The following NUDCD3 variants were observed in gnomAD, a reference collection of about 807,000 sequenced individuals.
The protein encoded by NUDCD3 is nudC domain-containing protein 3.
In NUDCD3, 13 loss-of-function variants were observed where a neutral mutation model predicts 39.7. The observed-to-expected ratio is 0.33, with a 90% CI of 0.21 to 0.52. The LOEUF (loss-of-function observed/expected upper bound fraction) is 0.52, where lower values mean the gene tolerates loss of function less well. Among genes scored for constraint, NUDCD3 ranks in the 20% least tolerant of loss-of-function variants. The pLI, the probability that NUDCD3 is intolerant of heterozygous loss-of-function variation, is 0.96. For synonymous variants in NUDCD3, 175 were observed against 172.4 expected (o/e 1.02, Z -0.12); for missense variants, 453 against 458.1 (o/e 0.99, Z 0.10).
intron 5 of NUDCD3, among the ~76,000 whole-genome samples, chr7:44,388,332 T>C (rs1033347589): frequency 1.3e-5 from 2 of 152,192 alleles, no homozygotes; most frequent in African/African-American, 4.8e-5. Context: ...GTGATCCCAG[T>C]GAAGCAACTC....
At chr7:44,466,876 C>T (rs1800129020) in intron 2 of NUDCD3, among the ~76,000 whole-genome samples, 1 of 152,138 alleles carries the variant, frequency 6.6e-6, no homozygotes, top group African/African-American at 2.4e-5. Flanking sequence ...GTCACAAAGC[C>T]CCACCGGGTG....
In NUDCD3 at chr7:44,380,567, T is replaced by A. The variant is rs553786854; in HGVS notation, c.*5444A>T. On this transcript the variant is annotated 3_prime_UTR_variant, in exon 6 of 6. Transcript: ENST00000355451. ...CCAAACGCTGTCTCTTCCCTAAGGG[T>A]CACTGCCTTGGGATTTGCCTGCAGG... 3.2e-4 allele frequency: 49 copies of A among 152,308 alleles called. No individual in the cohort carries two copies. The highest frequency in any genetic ancestry group is 1.1e-3 in the African/African-American group (44 of 41,546). 9.4% of individuals were successfully genotyped at this position (152,308 alleles called of 1,614,324 possible). A position where few individuals can be genotyped will look rare whatever the true frequency, so the allele number is the denominator to read the frequency against.
chr7:44,442,479 G>C (rs1799604421), intron 2 of NUDCD3, among the ~76,000 whole-genome samples: 2 of 152,112 alleles, frequency 1.3e-5, no homozygotes, highest in Non-Finnish European at 1.5e-5. Flanking sequence ...ATGCACCTGG[G>C]GGACCCAGGG....
intron 3 of NUDCD3, among the ~76,000 whole-genome samples, chr7:44,420,904 T>C (rs1161731647): frequency 6.6e-6 from 1 of 152,104 alleles, no homozygotes; most frequent in Non-Finnish European, 1.5e-5. Flanking sequence ...CATACCAAAA[T>C]ATAAAGACCA....
In NUDCD3 at chr7:44,384,355, G is replaced by A. The variant is rs1269363633; in HGVS notation, c.*1656C>T. 6.6e-6 allele frequency: 1 copy of A among 152,160 alleles called. No homozygotes were observed. Among genetic ancestry groups the A allele is most frequent in the Non-Finnish European group, 1.5e-5 (1 of 68,048 alleles). The allele number at this position is 152,160 out of a possible 1,614,324, so 9.4% of individuals were successfully genotyped here. ...TCTCAGGACCCCTCATAGATGACAA[G>A]AATTCTGCTCCCCAGGGTCGAGATC... On this transcript the variant is annotated 3_prime_UTR_variant, in exon 6 of 6. Coordinates refer to ENST00000355451, the MANE Select transcript of NUDCD3 (RefSeq NM_015332.4).
At position 44,382,068 on chromosome 7, in the gene NUDCD3, G is replaced by C. The variant is rs1798313969; in HGVS notation, c.*3943C>G. 1 of 152,134 alleles carries C rather than the reference G, an allele frequency of 6.6e-6. No individual in the cohort carries two copies. Among genetic ancestry groups the C allele is most frequent in the Non-Finnish European group, 1.5e-5 (1 of 68,046 alleles). The allele number at this position is 152,134 out of a possible 1,614,324, so 9.4% of individuals were successfully genotyped here. ...GGGGACTTCAGGCATTTGGTGTGGA[G>C]GAATGGGTGGTGGGATTGAAAACCC... On this transcript the variant is annotated 3_prime_UTR_variant, in exon 6 of 6. Coordinates refer to ENST00000355451, the MANE Select transcript of NUDCD3 (RefSeq NM_015332.4).
At chr7:44,488,204 G>A (rs1319333982) in intron 1 of NUDCD3, among the ~76,000 whole-genome samples, 4 of 149,734 alleles carry the variant, frequency 2.7e-5, no homozygotes, top group African/African-American at 7.4e-5. Context: ...GCGTGGTGGC[G>A]CACACCTGCA....
chr7:44,388,923 A>C (rs1316727160), intron 5 of NUDCD3, among the ~76,000 whole-genome samples: 1 of 152,256 alleles, frequency 6.6e-6, no homozygotes, highest in Admixed American at 6.5e-5. Flanking sequence ...ACTGGACCAC[A>C]GCATCTTCAA....
chr7:44,447,476 C>T (rs1799709824), intron 2 of NUDCD3, among the ~76,000 whole-genome samples: 1 of 152,154 alleles, frequency 6.6e-6, no homozygotes, highest in South Asian at 2.1e-4. Flanking sequence ...TAGATTAAGG[C>T]ATTTATTAAA....
Position 44,385,873 on chromosome 7 carries a change from G to C in NUDCD3, c.*138C>G. 1.6e-6 allele frequency: 1 copy of C among 624,334 alleles called. No individual in the cohort carries two copies. Among genetic ancestry groups the C allele is most frequent in the Non-Finnish European group, 2.9e-6 (1 of 344,030 alleles). The allele number at this position is 624,334 out of a possible 1,614,324, so 38.7% of individuals were successfully genotyped here. Reference sequence around the variant, plus strand: ...TGGAGATGCAAGGTCAGGGTGGAAGGCCTGGTTCACCCTTGAAAGAAAGGA... The same window carrying C: ...TGGAGATGCAAGGTCAGGGTGGAAGCCCTGGTTCACCCTTGAAAGAAAGGA... On this transcript the variant is annotated 3_prime_UTR_variant, in exon 6 of 6. Coordinates refer to ENST00000355451, the MANE Select transcript of NUDCD3 (RefSeq NM_015332.4).
intron 3 of NUDCD3, among the ~76,000 whole-genome samples, chr7:44,417,781 G>A (rs988984039): frequency 9.9e-5 from 15 of 152,178 alleles, no homozygotes; most frequent in African/African-American, 3.6e-4. Flanking sequence ...TTTGAAAATA[G>A]AATTCCGTGT....
At chr7:44,473,007 C>T (rs988784841) in intron 2 of NUDCD3, among the ~76,000 whole-genome samples, 1 of 152,166 alleles carries the variant, frequency 6.6e-6, no homozygotes, top group East Asian at 1.9e-4. Context: ...TTCCAAGAGA[C>T]ACTTAAACGC....
chr7:44,402,215 A>AT (rs1798740005), intron 4 of NUDCD3, among the ~76,000 whole-genome samples: 1 of 152,238 alleles, frequency 6.6e-6, no homozygotes, highest in Admixed American at 6.5e-5. Context: ...AATACGTAAA[A>AT]TAAGTTTGCA....
rs1168158919 is a variant in NUDCD3, at chr7:44,430,684, G to A, written c.510-2981C>T. On this transcript the variant is annotated intron_variant, in intron 2 of 5. Coordinates refer to ENST00000355451, the MANE Select transcript of NUDCD3 (RefSeq NM_015332.4). ...TCCTCAAAAGTTGGGAAAAAGAAAC[G>A]GCTCTCTCAAGAAAGGAGAATGAGT... 3.3e-5 allele frequency among the ~76,000 whole-genome samples: 5 copies of A among 151,496 alleles called. No homozygotes were observed. The East Asian group carries it at 7.7e-4, about 23-fold the overall frequency.
At chr7:44,486,562 GA>G (rs1349621589) in intron 1 of NUDCD3, among the ~76,000 whole-genome samples, 1 of 152,084 alleles carries the variant, frequency 6.6e-6, no homozygotes, top group Non-Finnish European at 1.5e-5. Flanking sequence ...TTAAAAACTG[GA>G]AACAACACCA....
chr7:44,434,993 G>GAAA (rs1291152872), intron 2 of NUDCD3, among the ~76,000 whole-genome samples: 2 of 152,218 alleles, frequency 1.3e-5, no homozygotes, highest in Admixed American at 1.3e-4. Flanking sequence ...GCTATGGAAA[G>GAAA]AACTCACTGA....
At chr7:44,466,337 G>A (rs1405759049) in intron 2 of NUDCD3, among the ~76,000 whole-genome samples, 2 of 152,274 alleles carry the variant, frequency 1.3e-5, no homozygotes, top group African/African-American at 4.8e-5. Context: ...AACACTTCTG[G>A]GGCCACCATG....
At chr7:44,478,841 C>A (rs1030140559) in intron 2 of NUDCD3, among the ~76,000 whole-genome samples, 2 of 152,118 alleles carry the variant, frequency 1.3e-5, no homozygotes, top group Non-Finnish European at 2.9e-5. Flanking sequence ...ACAAGGTTGC[C>A]AGGATCTGGG....
At chr7:44,461,208 C>A (rs1800003885) in intron 2 of NUDCD3, among the ~76,000 whole-genome samples, 1 of 152,204 alleles carries the variant, frequency 6.6e-6, no homozygotes, top group Admixed American at 6.5e-5. Flanking sequence ...ATCACCTTCT[C>A]CAGGAAGTAT....
Sources: gnomAD v4.1 joint callset for allele counts (sites outside exome capture counted in the v4.1 genomes callset) on GRCh38, gnomAD v4.1.1 for gene constraint, MANE v1.5 for transcripts, NCBI Gene and HGNC (gene_info 2026-07-23, HGNC 2026-07-21) for gene names.